The following CCSER1 variants were observed in gnomAD, a reference collection of about 807,000 sequenced individuals.
CCSER1 encodes the protein serine-rich coiled-coil domain-containing protein 1.
A neutral mutation model predicts 82.0 loss-of-function variants in CCSER1; 41 were observed. The ratio of observed to expected loss-of-function variants is 0.50; its 90% CI spans 0.39 to 0.65. The LOEUF is 0.65. Ranked by LOEUF, CCSER1 falls within the 30% of genes least tolerant of loss-of-function variation. The pLI is 0.00. For synonymous variants in CCSER1, 414 were observed against 383.9 expected, an observed-to-expected ratio of 1.08 and a Z score of -0.92; for missense variants, 1,119 against 1,064.2, an observed-to-expected ratio of 1.05 and a Z score of -0.72.
chr4:91,137,799 A>G (rs1453740013), intron 10 of CCSER1, among the ~76,000 whole-genome samples: 1 of 151,654 alleles, frequency 6.6e-6, no homozygotes, highest in Non-Finnish European at 1.5e-5. Context: ...CAACAGACAA[A>G]CAGAGAGCCA....
chr4:91,472,590 G>T (rs1757343241), intron 10 of CCSER1, among the ~76,000 whole-genome samples: 1 of 152,092 alleles, frequency 6.6e-6, no homozygotes. Context: ...TCTGTGTCTG[G>T]GTGAAAATCT....
rs770120955 is a variant in CCSER1 at position 90,159,586 on chromosome 4, TG to T, written c.-42+31757del. 3.9e-5 allele frequency among the ~76,000 whole-genome samples: 6 copies of T among 152,224 alleles called. No homozygotes were observed. The East Asian group carries it at 9.6e-4, about 24-fold the overall frequency. Reference sequence around the variant, plus strand: ...TTGGATATACCAAATTAGTTCTCCATGGATCTATTGAGTATAAGCCCTTTGG... The same window carrying T: ...TTGGATATACCAAATTAGTTCTCCATGATCTATTGAGTATAAGCCCTTTGG... On this transcript the variant is annotated intron_variant, in intron 1 of 10. Transcript: ENST00000509176.
chr4:90,320,518 C>T (rs574474736), intron 3 of CCSER1, among the ~76,000 whole-genome samples: 13 of 152,152 alleles, frequency 8.5e-5, no homozygotes, highest in South Asian at 4.1e-4. Flanking sequence ...TATATGAGTA[C>T]GATAGTTATA....
At chr4:90,971,284 A>G (rs1417674557) in intron 9 of CCSER1, among the ~76,000 whole-genome samples, 1 of 151,914 alleles carries the variant, frequency 6.6e-6, no homozygotes, top group Non-Finnish European at 1.5e-5. Context: ...AGCATGCACC[A>G]TCTTCACATG....
intron 1 of CCSER1, among the ~76,000 whole-genome samples, chr4:90,243,721 T>C (rs116113460): frequency 0.012 from 1,815 of 152,204 alleles, 43 homozygotes; most frequent in African/African-American, 0.041. Context: ...ATATAGTCAC[T>C]TGACTTTCAT....
At chr4:91,565,311 T>C (rs1037598179) in intron 10 of CCSER1, among the ~76,000 whole-genome samples, 1 of 152,098 alleles carries the variant, frequency 6.6e-6, no homozygotes, top group South Asian at 2.1e-4. Context: ...ATCCTTGTAG[T>C]GTAGTTTGAA....
At chr4:91,594,412 CATAT>C (rs201258284) in intron 10 of CCSER1, among the ~76,000 whole-genome samples, 3 of 120,282 alleles carry the variant, frequency 2.5e-5, no homozygotes, top group African/African-American at 8.9e-5. Context: ...CATATATACA[CATAT>C]ATATACATAT....
intron 8 of CCSER1, among the ~76,000 whole-genome samples, chr4:90,846,513 T>A (rs1449067763): frequency 6.6e-6 from 1 of 152,202 alleles, no homozygotes; most frequent in Non-Finnish European, 1.5e-5. Context: ...TGTTTAATGA[T>A]CAAATCAAGG....
intron 3 of CCSER1, among the ~76,000 whole-genome samples, chr4:90,335,627 G>C (rs1740240841): frequency 6.6e-6 from 1 of 152,088 alleles, no homozygotes; most frequent in Non-Finnish European, 1.5e-5. Flanking sequence ...CTCATTGTCA[G>C]GGATGGAAAA....
intron 10 of CCSER1, among the ~76,000 whole-genome samples, chr4:91,133,272 T>C (rs1049515923): frequency 6.6e-6 from 1 of 152,200 alleles, no homozygotes; most frequent in African/African-American, 2.4e-5. Context: ...TCTTTCCTTT[T>C]TCTTTCATTC....
chr4:91,469,942 G>A (rs549994966), intron 10 of CCSER1, among the ~76,000 whole-genome samples: 1 of 152,214 alleles, frequency 6.6e-6, no homozygotes, highest in Admixed American at 6.5e-5. Flanking sequence ...CATTTGCTTT[G>A]CTCATTCATA....
intron 9 of CCSER1, among the ~76,000 whole-genome samples, chr4:91,022,695 C>T (rs998551480): frequency 2.6e-5 from 4 of 152,100 alleles, no homozygotes; most frequent in African/African-American, 7.2e-5. Flanking sequence ...TTTTAATGAT[C>T]GCCATTCTAA....
chr4:90,794,949 A>T (rs958965497), intron 7 of CCSER1, among the ~76,000 whole-genome samples: 2 of 152,082 alleles, frequency 1.3e-5, no homozygotes, highest in Non-Finnish European at 2.9e-5. Context: ...ATTGGATTGC[A>T]TTCCTGATTT....
chr4:90,605,440 A>G (rs1203880794), intron 5 of CCSER1, among the ~76,000 whole-genome samples: 1 of 152,256 alleles, frequency 6.6e-6, no homozygotes. Flanking sequence ...TAAATCTGAT[A>G]TATTTTATCT....
chr4:90,167,489 T>C (rs1447064519), intron 1 of CCSER1, among the ~76,000 whole-genome samples: 1 of 152,202 alleles, frequency 6.6e-6, no homozygotes, highest in East Asian at 1.9e-4. Flanking sequence ...TATTTTTTAT[T>C]ATACTTTAAG....
chr4:91,447,415 T>A (rs1755633028), intron 10 of CCSER1, among the ~76,000 whole-genome samples: 2 of 151,990 alleles, frequency 1.3e-5, no homozygotes, highest in South Asian at 2.1e-4. Flanking sequence ...TCTCCTTTAT[T>A]CCTCATCTTG....
At chr4:91,343,945 G>A (rs1296505772) in intron 10 of CCSER1, among the ~76,000 whole-genome samples, 5 of 152,060 alleles carry the variant, frequency 3.3e-5, no homozygotes, top group Admixed American at 1.3e-4. Context: ...TAAATAATAG[G>A]TAGTACACTG....
chr4:91,279,970 C>A (rs1042062560), intron 10 of CCSER1, among the ~76,000 whole-genome samples: 2 of 152,156 alleles, frequency 1.3e-5, no homozygotes, highest in African/African-American at 4.8e-5. Flanking sequence ...TAATTCTGGT[C>A]ATGTGCCGTA....
At chr4:91,442,010 T>G (rs1755194811) in intron 10 of CCSER1, among the ~76,000 whole-genome samples, 1 of 152,120 alleles carries the variant, frequency 6.6e-6, no homozygotes, top group Non-Finnish European at 1.5e-5. Flanking sequence ...TGCTCATGGA[T>G]AGGAAGAATC....
Sources: gnomAD v4.1 joint callset for allele counts (sites outside exome capture counted in the v4.1 genomes callset) on GRCh38, gnomAD v4.1.1 for gene constraint, MANE v1.5 for transcripts, NCBI Gene and HGNC (gene_info 2026-07-23, HGNC 2026-07-21) for gene names.